UGT1A10: variants seen among roughly 807,000 people sequenced by gnomAD.
UGT1A10 encodes the protein UDP glucuronosyltransferase family 1 member A10.
In UGT1A10, 49 loss-of-function variants were observed where a neutral mutation model predicts 45.8. The ratio of observed to expected loss-of-function variants is 1.07; its 90% CI spans 0.85 to 1.36. The LOEUF is 1.36. Among genes scored for constraint, UGT1A10 ranks in the 40% most tolerant of loss-of-function variants. UGT1A10 has a pLI of 0.00. For synonymous variants in UGT1A10, 284 were observed against 249.7 expected (o/e 1.14, Z -1.29); for missense variants, 745 against 668.6 (o/e 1.11, Z -1.26).
At chr2:233,726,002 C>CA (rs1248368062) in intron 1 of UGT1A10, among the ~76,000 whole-genome samples, 5 of 151,912 alleles carry the variant, frequency 3.3e-5, no homozygotes, top group African/African-American at 1.2e-4. Flanking sequence ...TGCATCTCTA[C>CA]AAAAAATCAA....
At chr2:233,661,704 G>T (rs1575408625) in intron 1 of UGT1A10, among the ~76,000 whole-genome samples, 2 of 89,258 alleles carry the variant, frequency 2.2e-5, no homozygotes, top group African/African-American at 4.3e-5. Flanking sequence ...TCCTTATCTG[G>T]ATTCTTTTTT....
At chr2:233,731,876 G>A (rs2078215412) in intron 1 of UGT1A10, among the ~76,000 whole-genome samples, 1 of 152,166 alleles carries the variant, frequency 6.6e-6, no homozygotes, top group Non-Finnish European at 1.5e-5. Context: ...TTCCACAATG[G>A]TTGAACTAAT....
intron 1 of UGT1A10, among the ~76,000 whole-genome samples, chr2:233,707,191 C>A (rs976926305): frequency 6.6e-6 from 1 of 152,094 alleles, no homozygotes; most frequent in Non-Finnish European, 1.5e-5. Flanking sequence ...GCCTGCCCTC[C>A]GTTCTATTCC....
chr2:233,759,291 G>C (rs2003569), intron 1 of UGT1A10, among the ~76,000 whole-genome samples: 1 of 152,064 alleles, frequency 6.6e-6, no homozygotes. Flanking sequence ...TGATGAAGCT[G>C]AGCCCTGAGT....
intron 1 of UGT1A10, among the ~76,000 whole-genome samples, chr2:233,731,168 T>A (rs1313291260): frequency 6.6e-6 from 1 of 152,138 alleles, no homozygotes; most frequent in Non-Finnish European, 1.5e-5. Flanking sequence ...AACGACATGA[T>A]TTTTTTATGC....
chr2:233,718,933 G>C, intron 1 of UGT1A10: 1 of 1,614,132 alleles, frequency 6.2e-7, no homozygotes, highest in Non-Finnish European at 8.5e-7. Context: ...CCCACTGATG[G>C]CAGCCCCTGG....
At chr2:233,714,222 C>T (rs2076374156) in intron 1 of UGT1A10, among the ~76,000 whole-genome samples, 1 of 152,096 alleles carries the variant, frequency 6.6e-6, no homozygotes, top group East Asian at 1.9e-4. Flanking sequence ...ATCTTGCTGG[C>T]AAGATTTTCA....
intron 1 of UGT1A10, among the ~76,000 whole-genome samples, chr2:233,733,037 G>T (rs562709334): frequency 5.5e-4 from 83 of 152,142 alleles, no homozygotes; most frequent in Non-Finnish European, 1.1e-3. Context: ...TCCCTTTTAA[G>T]TTGGATTCCT....
chr2:233,736,288 C>T (rs896728048), intron 1 of UGT1A10, among the ~76,000 whole-genome samples: 17 of 152,156 alleles, frequency 1.1e-4, no homozygotes, highest in African/African-American at 3.9e-4. Context: ...ACCCTTTCTT[C>T]CAGTTGCTCT....
At chr2:233,760,463 T>C in intron 1 of UGT1A10, 1 of 1,614,204 alleles carries the variant, frequency 6.2e-7, no homozygotes, top group Non-Finnish European at 8.5e-7. Context: ...GAAATAGTTG[T>C]CCTAGCACCT....
At chr2:233,751,564 T>G (rs1694753266) in intron 1 of UGT1A10, among the ~76,000 whole-genome samples, 2 of 152,188 alleles carry the variant, frequency 1.3e-5, no homozygotes, top group Non-Finnish European at 2.9e-5. Context: ...CATCTCAAAT[T>G]GTAATCTCCA....
intron 1 of UGT1A10, among the ~76,000 whole-genome samples, chr2:233,689,021 C>A (rs10171367): frequency 6.6e-6 from 1 of 151,956 alleles, no homozygotes; most frequent in Non-Finnish European, 1.5e-5. Flanking sequence ...ATAAACATGG[C>A]CAAGTGGAAA....
intron 1 of UGT1A10, among the ~76,000 whole-genome samples, chr2:233,759,703 C>T (rs1054711590): frequency 1.3e-5 from 2 of 150,732 alleles, no homozygotes; most frequent in African/African-American, 4.9e-5. Context: ...CCTCATGGCG[C>T]GTGCTCGTGT....
intron 1 of UGT1A10, chr2:233,693,661 C>G: frequency 6.2e-7 from 1 of 1,614,126 alleles, no homozygotes; most frequent in Non-Finnish European, 8.5e-7. Flanking sequence ...TGTTGGAGCC[C>G]TATCTATTTT....
intron 1 of UGT1A10, among the ~76,000 whole-genome samples, chr2:233,744,427 T>C (rs1221651523): frequency 2.0e-5 from 3 of 151,848 alleles, no homozygotes; most frequent in East Asian, 1.9e-4. Flanking sequence ...GTGGATTATA[T>C]CTATCATACG....
chr2:233,716,785 T>C (rs1675304459), intron 1 of UGT1A10, among the ~76,000 whole-genome samples: 1 of 152,184 alleles, frequency 6.6e-6, no homozygotes, highest in South Asian at 2.1e-4. Context: ...GCTTTCGGGA[T>C]GCCTTTTTCT....
Position 233,768,357 on chromosome 2 carries a change from G to A in UGT1A10, c.1213G>A (p.Gly405Arg). Residue 405 changes from glycine (G) to arginine (R), a missense_variant, in exon 4 of 5, where the codon GGA becomes AGA. By Grantham distance (125) the Gly-to-Arg change is moderately radical. Transcript: ENST00000344644. ...CAATGCAAAGCGCATGGAGACTAAG[G>A]GAGCTGGAGTGACCCTGAATGTTCT... ...MDNAKRMETK[G>R]AGVTLNVLEM... 6 of 1,614,142 alleles carry A rather than the reference G, an allele frequency of 3.7e-6. No homozygotes were observed. The highest frequency in any genetic ancestry group is 5.1e-6 in the Non-Finnish European group (6 of 1,180,032).
Position 233,636,503 on chromosome 2 carries a change from G to A in UGT1A10, c.-20G>A. On this transcript the variant is annotated 5_prime_UTR_variant, in exon 1 of 5. Coordinates refer to ENST00000344644, the MANE Select transcript of UGT1A10 (RefSeq NM_019075.4). Reference sequence around the variant, plus strand: ...TAGCAGCTTAGAATCCCAGCTGCTGGCTCGGGCTGCAGTTCTCTCATGGCT... The same window carrying A: ...TAGCAGCTTAGAATCCCAGCTGCTGACTCGGGCTGCAGTTCTCTCATGGCT... The A allele has an allele frequency of 6.2e-7, 1 of 1,601,664 alleles. No individual in the cohort carries two copies. The highest frequency in any genetic ancestry group is 8.5e-7 in the Non-Finnish European group (1 of 1,172,658).
Position 233,769,646 on chromosome 2 carries a change from C to T in UGT1A10, c.1295+1207C>T, listed in dbSNP as rs1053692486. 2 of 1,608,424 alleles carry T rather than the reference C, an allele frequency of 1.2e-6. No individual in the cohort carries two copies. Among genetic ancestry groups the T allele is most frequent in the Non-Finnish European group, 1.7e-6 (2 of 1,177,716 alleles). On this transcript the variant is annotated intron_variant, in intron 4 of 4. Transcript: ENST00000344644. The surrounding 1 kb of genome is among the most constrained non-coding windows in gnomAD (Gnocchi z 4.4). ...AGGGACAACAGGGGAGGACTGATGA[C>T]TGACTTCCCACCTTTGAGGTGCTAA...
Sources: allele counts gnomAD v4.1 joint callset (sites outside exome capture counted in the v4.1 genomes callset), GRCh38; gene constraint gnomAD v4.1.1; non-coding constraint Gnocchi (gnomAD v3.1); transcripts MANE v1.5; gene names NCBI Gene and HGNC (gene_info 2026-07-23, HGNC 2026-07-21).